ZC3H12B: variants seen among roughly 807,000 people sequenced by gnomAD.
ZC3H12B encodes probable ribonuclease ZC3H12B.
Under a neutral mutation model 43.9 loss-of-function variants are expected in ZC3H12B, and 7 were observed. The observed-to-expected ratio is 0.16, with a 90% confidence interval of 0.09 to 0.30. The LOEUF is 0.30. Ranked by LOEUF, ZC3H12B falls within the 10% of genes least tolerant of loss-of-function variation. The pLI is 1.00. For missense variants in ZC3H12B, 475 were observed against 670.2 expected, an observed-to-expected ratio of 0.71 and a Z score of 3.22; for synonymous variants, 222 against 241.7, an observed-to-expected ratio of 0.92 and a Z score of 0.76.
chrX:65,149,687 C>T, the ZC3H12B span, among the ~76,000 whole-genome samples: 18 of 107,049 alleles, frequency 1.7e-4, no homozygotes, highest in African/African-American at 5.8e-4. Context: ...TGGCGTGAAC[C>T]CTGGAGGCGA....
the ZC3H12B span, among the ~76,000 whole-genome samples, chrX:65,206,182 C>CA: frequency 7.2e-5 from 8 of 111,515 alleles, no homozygotes; most frequent in African/African-American, 2.3e-4. Context: ...CATGTGGAAC[C>CA]AAAAAAGAAC....
the ZC3H12B span, among the ~76,000 whole-genome samples, chrX:65,334,302 T>C: frequency 1.8e-5 from 2 of 112,282 alleles, no homozygotes; most frequent in East Asian, 2.8e-4. Context: ...ATGCAGAGTT[T>C]CTTTTACAAG....
intron 3 of ZC3H12B, among the ~76,000 whole-genome samples, chrX:65,447,436 A>C (rs2067393278): frequency 9.0e-6 from 1 of 111,720 alleles, no homozygotes; most frequent in African/African-American, 3.3e-5. Context: ...ACAAAAATCA[A>C]CTCAAGATAA....
the ZC3H12B span, among the ~76,000 whole-genome samples, chrX:65,257,886 A>G: frequency 1.8e-5 from 2 of 111,447 alleles, no homozygotes. Context: ...TGAATCAGTA[A>G]TAAAAAGACT....
the ZC3H12B span, among the ~76,000 whole-genome samples, chrX:65,200,426 CTTTTT>C: frequency 5.0e-5 from 3 of 59,618 alleles, no homozygotes; most frequent in Middle Eastern, 9.4e-3. Context: ...ATAGTTTCCT[CTTTTT>C]TTTTTTTTTT....
At chrX:65,134,721 G>T in the ZC3H12B span, among the ~76,000 whole-genome samples, 3 of 111,398 alleles carry the variant, frequency 2.7e-5, no homozygotes, top group African/African-American at 9.8e-5. Context: ...AATGTCACGT[G>T]CGTCCGTGTG....
the ZC3H12B span, among the ~76,000 whole-genome samples, chrX:65,323,964 A>G: frequency 8.9e-6 from 1 of 111,962 alleles, no homozygotes; most frequent in Non-Finnish European, 1.9e-5. Context: ...GCTTTTCTTC[A>G]TATGTTTCTT....
the ZC3H12B span, among the ~76,000 whole-genome samples, chrX:65,155,870 G>C: frequency 9.2e-6 from 1 of 109,192 alleles, no homozygotes; most frequent in African/African-American, 3.3e-5. Flanking sequence ...AAAAAAAAAA[G>C]TTGGAAATTA....
the ZC3H12B span, among the ~76,000 whole-genome samples, chrX:65,167,478 A>G: frequency 4.5e-5 from 5 of 111,770 alleles, no homozygotes; most frequent in Non-Finnish European, 7.5e-5. Context: ...AGGTAGCGTG[A>G]TGCCTCCAGC....
chrX:65,292,313 T>C, the ZC3H12B span, among the ~76,000 whole-genome samples: 1 of 112,098 alleles, frequency 8.9e-6, no homozygotes, highest in Non-Finnish European at 1.9e-5. Context: ...AAGAATGAGA[T>C]CATGTCCTTT....
the ZC3H12B span, among the ~76,000 whole-genome samples, chrX:65,134,561 A>G: frequency 2.7e-5 from 3 of 111,357 alleles, no homozygotes; most frequent in Non-Finnish European, 5.7e-5. Context: ...GAGTGAAAAG[A>G]CCACTTACCC....
chrX:65,262,821 A>G, the ZC3H12B span, among the ~76,000 whole-genome samples: 1 of 110,425 alleles, frequency 9.1e-6, no homozygotes, highest in African/African-American at 3.3e-5. Flanking sequence ...CAGTCAGTAA[A>G]TATATTAAAT....
intron 1 of ZC3H12B, among the ~76,000 whole-genome samples, 167 bp from the exon 7 acceptor site, chrX:65,496,956 AAAAAAAAAG>A (rs1017243674): frequency 9.1e-6 from 1 of 110,162 alleles, no homozygotes; most frequent in Non-Finnish European, 1.9e-5. Flanking sequence ...ACCAAAAAAA[AAAAAAAAAG>A]AAAAAAAAGA....
chrX:65,273,377 GA>G, the ZC3H12B span, among the ~76,000 whole-genome samples: 2 of 110,004 alleles, frequency 1.8e-5, no homozygotes, highest in African/African-American at 6.7e-5. Context: ...CAGTGTAGTA[GA>G]AGACAGATCA....
At chrX:65,122,074 G>A in the ZC3H12B span, among the ~76,000 whole-genome samples, 1 of 110,866 alleles carries the variant, frequency 9.0e-6, no homozygotes, top group African/African-American at 3.3e-5. Flanking sequence ...CAACTGTGTG[G>A]TCAGTTTTGG....
chrX:65,408,977 A>G (rs2066870530), intron 3 of ZC3H12B, among the ~76,000 whole-genome samples: 1 of 112,179 alleles, frequency 8.9e-6, no homozygotes, highest in Non-Finnish European at 1.9e-5. Flanking sequence ...CAAAGAAAGT[A>G]ATGTTGTTAA....
At chrX:65,363,532 C>T (rs1371534427), upstream of ZC3H12B, among the ~76,000 whole-genome samples, 1 of 111,717 alleles carries the variant, frequency 9.0e-6, no homozygotes, top group Non-Finnish European at 1.9e-5. Flanking sequence ...TCCCATAGAT[C>T]CTAAATCCTT....
intron 3 of ZC3H12B, among the ~76,000 whole-genome samples, chrX:65,410,828 G>A (rs1015707803): frequency 3.6e-5 from 4 of 112,289 alleles, no homozygotes; most frequent in Admixed American, 9.4e-5. Context: ...CGAGGATGTA[G>A]AGAAAAGGGA....
At chrX:65,400,883 T>C (rs1209367705) in intron 3 of ZC3H12B, among the ~76,000 whole-genome samples, 2 of 111,638 alleles carry the variant, frequency 1.8e-5, no homozygotes, top group Non-Finnish European at 3.8e-5. Flanking sequence ...TACTTCATAG[T>C]AGGTAATCAT....
Sources: gnomAD v4.1 joint callset for allele counts (sites outside exome capture counted in the v4.1 genomes callset) on GRCh38, gnomAD v4.1.1 for gene constraint, MANE v1.5 for transcripts, NCBI Gene and HGNC (gene_info 2026-07-23, HGNC 2026-07-21) for gene names.